The following IL1RN variants were observed in gnomAD, a reference collection of about 807,000 sequenced individuals.
IL1RN encodes interleukin 1 receptor antagonist, also known as interleukin-1 receptor antagonist protein.
A neutral mutation model predicts 13.7 loss-of-function variants in IL1RN; 10 were observed. The ratio of observed to expected loss-of-function variants is 0.73; its 90% CI spans 0.45 to 1.24. The LOEUF (loss-of-function observed/expected upper bound fraction) is 1.24, where lower values mean the gene tolerates loss of function less well. Ranked by LOEUF, IL1RN falls within the 50% of genes most tolerant of loss-of-function variation. The pLI is 0.00. For synonymous variants in IL1RN, 102 were observed against 82.7 expected, an observed-to-expected ratio of 1.23 and a Z score of -1.27; for missense variants, 213 against 222.1, an observed-to-expected ratio of 0.96 and a Z score of 0.26.
chr2:113,126,647 TCTC>T (rs1333064233), upstream of IL1RN, among the ~76,000 whole-genome samples: 1 of 152,102 alleles, frequency 6.6e-6, no homozygotes, highest in Non-Finnish European at 1.5e-5. Flanking sequence ...GGCCAGAAGT[TCTC>T]CTCTTCCTTC....
chr2:113,121,645 G>A, intron 2 of IL1RN: 1 of 972,216 alleles, frequency 1.0e-6, no homozygotes, highest in Non-Finnish European at 1.2e-6. Flanking sequence ...GATCTGAGAG[G>A]AGAGTAGCTT....
chr2:113,121,381 C>A, intron 2 of IL1RN: 1 of 832,426 alleles, frequency 1.2e-6, no homozygotes, highest in Non-Finnish European at 1.4e-6. Flanking sequence ...TAAACTATAA[C>A]AGGTAAGCAA....
chr2:113,107,359 A>G (rs1686402646), upstream of IL1RN: 1 of 152,242 alleles, frequency 6.6e-6, no homozygotes, highest in Non-Finnish European at 1.5e-5. Context: ...GAAAGCAAGG[A>G]GACAGTTGAA....
chr2:113,119,808 G>T (rs917749629), intron 1 of IL1RN, among the ~76,000 whole-genome samples: 1 of 152,168 alleles, frequency 6.6e-6, no homozygotes, highest in Non-Finnish European at 1.5e-5. Flanking sequence ...CATGTTCCCT[G>T]GGTAGAGGAA....
chr2:113,110,124 G>T (rs1686470761), upstream of IL1RN, among the ~76,000 whole-genome samples: 1 of 152,162 alleles, frequency 6.6e-6, no homozygotes, highest in Admixed American at 6.5e-5. Context: ...TGAAAAAAAA[G>T]TCCCCATGGT....
At chr2:113,108,281 T>A (rs2104420893), upstream of IL1RN, among the ~76,000 whole-genome samples, 1 of 152,250 alleles carries the variant, frequency 6.6e-6, no homozygotes, top group Middle Eastern at 3.4e-3. Context: ...TTATTATACT[T>A]TAAGTTTTAG....
intron 2 of IL1RN, chr2:113,121,581 T>C: frequency 3.0e-6 from 3 of 985,446 alleles, no homozygotes; most frequent in Middle Eastern, 5.2e-4. Context: ...GGGGCAAAAA[T>C]CATCTTGGAA....
At position 113,133,156 on chromosome 2, in the gene IL1RN, C is replaced by G. The variant is rs1294465579; in HGVS notation, c.*285C>G. 2.0e-6 allele frequency: 1 copy of G among 492,482 alleles called. No homozygotes were observed. Among genetic ancestry groups the G allele is most frequent in the African/African-American group, 1.9e-5 (1 of 51,300 alleles). 30.5% of individuals were successfully genotyped at this position (492,482 alleles called of 1,614,324 possible). A position where few individuals can be genotyped will look rare whatever the true frequency, so the allele number is the denominator to read the frequency against. The stretch of plus-strand genomic sequence containing the variant: ...CTCTGCATTCAGGATCAAACCCCGA[C>G]CACCTGCCCAACCTGCTCTCCTCTT... On this transcript the variant is annotated 3_prime_UTR_variant, in exon 4 of 4. Coordinates refer to ENST00000409930, the MANE Select transcript of IL1RN (RefSeq NM_173842.3).
chr2:113,102,320 A>G (rs533575953), upstream of IL1RN, among the ~76,000 whole-genome samples: 33 of 152,328 alleles, frequency 2.2e-4, no homozygotes, highest in African/African-American at 7.2e-4. Flanking sequence ...AAGGACACCA[A>G]TTCTATTGTG....
the IL1RN span, among the ~76,000 whole-genome samples, chr2:113,099,653 T>C: frequency 6.6e-6 from 1 of 151,730 alleles, no homozygotes; most frequent in East Asian, 1.9e-4. Context: ...CACTGCTCTG[T>C]TCATCTGAGT....
At chr2:113,119,927 A>G in intron 1 of IL1RN, 1 of 734,906 alleles carries the variant, frequency 1.4e-6, no homozygotes, top group South Asian at 1.5e-5. Flanking sequence ...CGGACTGGAA[A>G]CTGGAAGGGT....
upstream of IL1RN, among the ~76,000 whole-genome samples, chr2:113,102,836 A>G (rs1473187274): frequency 2.6e-5 from 4 of 152,208 alleles, no homozygotes; most frequent in Admixed American, 2.0e-4. Flanking sequence ...GAATGTCATC[A>G]GTTAAGGCAG....
At chr2:113,128,423 T>C (rs1687041798) in intron 1 of IL1RN, among the ~76,000 whole-genome samples, 1 of 152,112 alleles carries the variant, frequency 6.6e-6, no homozygotes, top group Non-Finnish European at 1.5e-5. Context: ...TTGGGGTGAC[T>C]TCTCCCCCAC....
At chr2:113,119,948 G>A in intron 1 of IL1RN, 2 of 814,800 alleles carry the variant, frequency 2.5e-6, no homozygotes, top group Non-Finnish European at 4.2e-6. Context: ...GAGAACAGAG[G>A]GTAAAGGATA....
intron 1 of IL1RN, among the ~76,000 whole-genome samples, chr2:113,128,054 C>A (rs1224541538): frequency 1.3e-5 from 2 of 152,154 alleles, no homozygotes; most frequent in African/African-American, 4.8e-5. Context: ...GACAGAGAAG[C>A]AGAGAGGGGC....
intron 1 of IL1RN, among the ~76,000 whole-genome samples, chr2:113,128,522 C>G (rs1277979618): frequency 6.6e-6 from 1 of 152,074 alleles, no homozygotes; most frequent in Non-Finnish European, 1.5e-5. Flanking sequence ...GATATGGGGA[C>G]TGTCTGCTTC....
Position 113,132,697 on chromosome 2 carries a change from C to T in IL1RN, c.360C>T (p.Asp120=). ...ACCTGAGCGAGAACAGAAAGCAGGA[C>T]AAGCGCTTCGCCTTCATCCGCTCAG... ...ITDLSENRKQ[D]KRFAFIRSDS... Residue 120 remains aspartate (D), a synonymous_variant, in exon 4 of 4, where the codon GAC becomes GAT. Coordinates refer to ENST00000409930, the MANE Select transcript of IL1RN (RefSeq NM_173842.3). The T allele has an allele frequency of 1.2e-6, 2 of 1,614,234 alleles. No homozygotes were observed. The highest frequency in any genetic ancestry group is 1.7e-6 in the Non-Finnish European group (2 of 1,180,036).
upstream of IL1RN, among the ~76,000 whole-genome samples, chr2:113,103,943 T>C (rs949885171): frequency 1.3e-5 from 2 of 151,830 alleles, no homozygotes; most frequent in Non-Finnish European, 2.9e-5. Context: ...ACCTACAAGG[T>C]TTTTAGTTCT....
chr2:113,121,611 G>T (rs1215367703), intron 2 of IL1RN: 1 of 985,288 alleles, frequency 1.0e-6, no homozygotes, highest in Non-Finnish European at 1.2e-6. Flanking sequence ...CCTCAGAAAG[G>T]ATTCACAGTA....
Sources: allele counts gnomAD v4.1 joint callset (sites outside exome capture counted in the v4.1 genomes callset), GRCh38; gene constraint gnomAD v4.1.1; transcripts MANE v1.5; gene names NCBI Gene and HGNC (gene_info 2026-07-23, HGNC 2026-07-21).